The following POU2F1 variants were observed in gnomAD, a reference collection of about 807,000 sequenced individuals.
The protein encoded by POU2F1 is POU domain, class 2, transcription factor 1.
POU2F1 carries 16 observed loss-of-function variants against 84.9 expected under a neutral mutation model. The ratio of observed to expected loss-of-function variants is 0.19; its 90% CI spans 0.13 to 0.29. POU2F1 has a LOEUF of 0.29. Among genes scored for constraint, POU2F1 ranks in the 10% least tolerant of loss-of-function variants. The pLI is 1.00. For missense variants in POU2F1, 738 were observed against 942.6 expected (o/e 0.78, Z 2.84); for synonymous variants, 368 against 368.3 (o/e 1.00, Z 0.01).
intron 1 of POU2F1, among the ~76,000 whole-genome samples, chr1:167,274,469 T>G (rs963383869): frequency 6.6e-6 from 1 of 152,196 alleles, no homozygotes; most frequent in Non-Finnish European, 1.5e-5. Flanking sequence ...ATTTACTATT[T>G]CTGACAAATT....
At position 167,332,452 on chromosome 1, in the gene POU2F1, T is replaced by C; in HGVS notation, c.62-18T>C. On this transcript the variant is annotated intron_variant, in intron 1 of 15. Coordinates refer to ENST00000367866, the MANE Select transcript of POU2F1 (RefSeq NM_002697.4). ...CCCCAGTTTTTTAAAAACCTTATTCTCCTCTGATTTATTGCAGACTCAAGA... is the reference window on the plus strand; with the variant it reads ...CCCCAGTTTTTTAAAAACCTTATTCCCCTCTGATTTATTGCAGACTCAAGA... 6.3e-7 allele frequency: 1 copy of C among 1,595,900 alleles called. No homozygotes were observed. Among genetic ancestry groups the C allele is most frequent in the South Asian group, 1.1e-5 (1 of 90,646 alleles).
At chr1:167,353,472 C>G (rs1338549274) in intron 2 of POU2F1, among the ~76,000 whole-genome samples, 1 of 152,028 alleles carries the variant, frequency 6.6e-6, no homozygotes, top group Non-Finnish European at 1.5e-5. Flanking sequence ...ATTGTTCTTA[C>G]CTTTTCAGCA....
At chr1:167,317,434 C>G (rs35801304) in intron 1 of POU2F1, among the ~76,000 whole-genome samples, 14,329 of 152,226 alleles carry the variant, frequency 0.094, 1,624 homozygotes, top group African/African-American at 0.28. Flanking sequence ...CACACACACA[C>G]AAATATAGAG....
intron 4 of POU2F1, among the ~76,000 whole-genome samples, chr1:167,370,748 A>G (rs1659956312): frequency 6.6e-6 from 1 of 152,208 alleles, no homozygotes; most frequent in Non-Finnish European, 1.5e-5. Flanking sequence ...TAAGATTGCC[A>G]GGGTTCCTCT....
intron 1 of POU2F1, among the ~76,000 whole-genome samples, chr1:167,285,592 C>CAA (rs75529481): frequency 8.4e-6 from 1 of 118,506 alleles, no homozygotes; most frequent in Non-Finnish European, 1.8e-5. Flanking sequence ...GACTCCGTCT[C>CAA]AAAAAAAAAA....
intron 1 of POU2F1, among the ~76,000 whole-genome samples, chr1:167,226,561 A>G (rs1353646131): frequency 6.6e-6 from 1 of 152,232 alleles, no homozygotes; most frequent in Non-Finnish European, 1.5e-5. Flanking sequence ...CAGCAGTAAT[A>G]ACAATGGAAA....
At chr1:167,341,445 G>A (rs114831483) in intron 2 of POU2F1, among the ~76,000 whole-genome samples, 1 of 152,016 alleles carries the variant, frequency 6.6e-6, no homozygotes, top group Non-Finnish European at 1.5e-5. Context: ...TAGATCCAAG[G>A]CTTCCCTATC....
chr1:167,258,962 A>C (rs1651351377), intron 1 of POU2F1, among the ~76,000 whole-genome samples: 1 of 152,122 alleles, frequency 6.6e-6, no homozygotes, highest in African/African-American at 2.4e-5. Context: ...ATCATACCAG[A>C]TTTTGCGTAC....
At chr1:167,229,487 G>C (rs769026453) in intron 1 of POU2F1, among the ~76,000 whole-genome samples, 17 of 152,154 alleles carry the variant, frequency 1.1e-4, no homozygotes, top group Non-Finnish European at 2.4e-4. Flanking sequence ...TCATGCCACT[G>C]TGCGTGTGGA....
chr1:167,256,590 A>C (rs1651159150), intron 1 of POU2F1, among the ~76,000 whole-genome samples: 1 of 152,216 alleles, frequency 6.6e-6, no homozygotes, highest in South Asian at 2.1e-4. Context: ...AAAGTCATGC[A>C]GCTGAGAGTA....
chr1:167,254,686 A>G (rs922351621), intron 1 of POU2F1, among the ~76,000 whole-genome samples: 1 of 152,224 alleles, frequency 6.6e-6, no homozygotes, highest in Admixed American at 6.5e-5. Context: ...CTTACAGGAT[A>G]ATGTTTAGTT....
At chr1:167,362,518 C>G (rs1407444316) in intron 2 of POU2F1, among the ~76,000 whole-genome samples, 1 of 152,142 alleles carries the variant, frequency 6.6e-6, no homozygotes, top group African/African-American at 2.4e-5. Context: ...TAGGCCACTA[C>G]CTTTGCTGGA....
intron 1 of POU2F1, among the ~76,000 whole-genome samples, chr1:167,241,808 A>C (rs1649925742): frequency 6.6e-6 from 1 of 152,208 alleles, no homozygotes; most frequent in South Asian, 2.1e-4. Flanking sequence ...AGGTACAACG[A>C]AGTTAGGTAA....
At chr1:167,241,340 C>T (rs189032259) in intron 1 of POU2F1, 6 of 152,048 alleles carry the variant, frequency 3.9e-5, no homozygotes, top group Non-Finnish European at 7.4e-5. Context: ...TTTTTAGTGC[C>T]GGGTGAAATA....
chr1:167,276,906 A>G (rs1315241860), intron 1 of POU2F1, among the ~76,000 whole-genome samples: 1 of 152,188 alleles, frequency 6.6e-6, no homozygotes, highest in Non-Finnish European at 1.5e-5. Context: ...AGAGCAAGAA[A>G]GGATGGGCAG....
intron 1 of POU2F1, among the ~76,000 whole-genome samples, chr1:167,301,269 A>G (rs111816358): frequency 4.8e-4 from 73 of 152,334 alleles, no homozygotes; most frequent in African/African-American, 1.7e-3. Flanking sequence ...TAGTCAAAGA[A>G]TGGTTATCAC....
At chr1:167,221,100 G>T in intron 1 of POU2F1, 142 bp downstream of exon 1, 1 of 820,052 alleles carries the variant, frequency 1.2e-6, no homozygotes, top group Admixed American at 2.2e-5. Flanking sequence ...GGAGCATTGA[G>T]CCCCCGCCGG....
chr1:167,399,648 TCTTG>T (rs1378236582), intron 12 of POU2F1, among the ~76,000 whole-genome samples: 1 of 152,050 alleles, frequency 6.6e-6, no homozygotes, highest in Non-Finnish European at 1.5e-5. Context: ...AACTTATTGG[TCTTG>T]CTTATTTTTT....
rs182458613 is a variant in POU2F1 at position 167,401,309 on chromosome 1, G to A, written c.1450-142G>A. ...AGGCAAAGCTATCTGTGATATCAGT[G>A]AACAACCATCTTCGAATAGCAGCTT... On this transcript the variant is annotated intron_variant, in intron 12 of 15. Transcript: ENST00000367866. 5.3e-5 allele frequency: 29 copies of A among 543,706 alleles called. No individual in the cohort carries two copies. The East Asian group carries it at 8.8e-4, about 16-fold the overall frequency. 33.7% of individuals were successfully genotyped at this position (543,706 alleles called of 1,614,324 possible). A position where few individuals can be genotyped will look rare whatever the true frequency, so the allele number is the denominator to read the frequency against.
Sources: allele counts gnomAD v4.1 joint callset (sites outside exome capture counted in the v4.1 genomes callset), GRCh38; gene constraint gnomAD v4.1.1; transcripts MANE v1.5; gene names NCBI Gene and HGNC (gene_info 2026-07-23, HGNC 2026-07-21).